The following ZBBX variants were observed in gnomAD, a reference collection of about 807,000 sequenced individuals.
ZBBX encodes the protein zinc finger B-box domain containing.
In ZBBX, 101 loss-of-function variants were observed where a neutral mutation model predicts 108.5. That is an observed-to-expected ratio of 0.93 (90% CI 0.79 to 1.10). The LOEUF (loss-of-function observed/expected upper bound fraction) is 1.10, where lower values mean the gene tolerates loss of function less well. ZBBX is among the 50% of genes least tolerant of loss of function. The pLI is 0.00. For synonymous variants in ZBBX, 356 were observed against 323.4 expected (o/e 1.10, Z -1.08); for missense variants, 1,009 against 941.4 (o/e 1.07, Z -0.94).
At position 167,328,136 on chromosome 3, in the gene ZBBX, G is replaced by T; in HGVS notation, c.688-20C>A. On this transcript the variant is annotated intron_variant, in intron 10 of 21. Coordinates refer to ENST00000675490, the MANE Select transcript of ZBBX (RefSeq NM_001199201.2). ...TTCTACCTAATTAAAAGGATACATA[G>T]GCATGCTTTATTAAATTTTCTGTAT... 1.3e-6 allele frequency: 2 copies of T among 1,572,982 alleles called. No individual in the cohort carries two copies. The highest frequency in any genetic ancestry group is 1.7e-6 in the Non-Finnish European group (2 of 1,164,804).
the ZBBX span, among the ~76,000 whole-genome samples, chr3:167,204,118 A>G: frequency 1.3e-5 from 2 of 152,090 alleles, no homozygotes; most frequent in South Asian, 4.1e-4. Flanking sequence ...AAAACTTCCA[A>G]TCATCCACAG....
downstream of ZBBX, among the ~76,000 whole-genome samples, chr3:167,234,863 C>T (rs1438729224): frequency 1.3e-5 from 2 of 151,712 alleles, no homozygotes; most frequent in Non-Finnish European, 3.0e-5. Context: ...CAATAAGATG[C>T]AAGAAGTGTT....
rs925176846 is a variant in ZBBX at position 167,365,224 on chromosome 3, G to A, written c.273+662C>T. 2.0e-5 allele frequency among the ~76,000 whole-genome samples: 3 copies of A among 151,724 alleles called. No homozygotes were observed. In the East Asian group the frequency reaches 5.8e-4, roughly 29 times the overall value. On this transcript the variant is annotated intron_variant, in intron 6 of 21. Coordinates refer to ENST00000675490, the MANE Select transcript of ZBBX (RefSeq NM_001199201.2). ...GTAGATTCCAACTGACCCAATGAAAGTTTAATGATAGGTACGTAAAAAATA... is the reference window on the plus strand; with the variant it reads ...GTAGATTCCAACTGACCCAATGAAAATTTAATGATAGGTACGTAAAAAATA...
chr3:167,255,946 C>A (rs1312657678), intron 20 of ZBBX, among the ~76,000 whole-genome samples: 1 of 152,042 alleles, frequency 6.6e-6, no homozygotes. Context: ...ACCACTCCAC[C>A]CACACTCCCC....
intron 1 of ZBBX, among the ~76,000 whole-genome samples, chr3:167,392,210 C>T (rs376874545): frequency 1.8e-4 from 27 of 151,882 alleles, no homozygotes; most frequent in Middle Eastern, 3.4e-3. Context: ...GTGATTTACC[C>T]ATGTTAATAT....
At chr3:167,217,631 TA>T in the ZBBX span, among the ~76,000 whole-genome samples, 1 of 152,124 alleles carries the variant, frequency 6.6e-6, no homozygotes. Flanking sequence ...CAGAGGAATA[TA>T]AAGCATTATA....
intron 20 of ZBBX, among the ~76,000 whole-genome samples, chr3:167,280,331 A>G (rs1277224396): frequency 6.6e-6 from 1 of 152,024 alleles, no homozygotes; most frequent in Non-Finnish European, 1.5e-5. Flanking sequence ...ATAAAATGGG[A>G]GAAAATTTTT....
At chr3:167,189,276 C>A in the ZBBX span, among the ~76,000 whole-genome samples, 1 of 152,264 alleles carries the variant, frequency 6.6e-6, no homozygotes, top group Non-Finnish European at 1.5e-5. Context: ...TCCCTGTTAT[C>A]TGAACAAAAT....
At chr3:167,243,450 G>A (rs1180687676) in intron 20 of ZBBX, among the ~76,000 whole-genome samples, 1 of 151,638 alleles carries the variant, frequency 6.6e-6, no homozygotes, top group East Asian at 1.9e-4. Flanking sequence ...CTGGGCTGGA[G>A]TGCAATGGTG....
chr3:167,323,329 G>A (rs1736809756), intron 11 of ZBBX, among the ~76,000 whole-genome samples: 2 of 151,826 alleles, frequency 1.3e-5, no homozygotes, highest in Admixed American at 6.6e-5. Context: ...AACACAGAAG[G>A]GTGATGGAAG....
At chr3:167,295,288 C>T (rs1042530720) in intron 18 of ZBBX, among the ~76,000 whole-genome samples, 21 of 152,158 alleles carry the variant, frequency 1.4e-4, no homozygotes, top group African/African-American at 5.1e-4. Flanking sequence ...TTGGAAGCAA[C>T]CCAAATGCCC....
At position 167,305,750 on chromosome 3, in the gene ZBBX, C is replaced by CT. The variant is rs2108229466; in HGVS notation, c.1617dup (p.Ala540SerfsTer4). On this transcript the variant is annotated frameshift_variant, in exon 17 of 22. Coordinates refer to ENST00000675490, the MANE Select transcript of ZBBX (RefSeq NM_001199201.2). LOFTEE classifies it high-confidence loss of function. ...TGAGATAATTTCTCCTCAATGGGAGCTTTTTCTAAATCTCTACCTAGCAAA... is the reference window on the plus strand; with the variant it reads ...TGAGATAATTTCTCCTCAATGGGAGCTTTTTTCTAAATCTCTACCTAGCAAA... 1.2e-6 allele frequency: 2 copies of CT among 1,612,502 alleles called. No homozygotes were observed. Among genetic ancestry groups the CT allele is most frequent in the Non-Finnish European group, 1.7e-6 (2 of 1,179,360 alleles).
chr3:167,209,149 A>G, the ZBBX span, among the ~76,000 whole-genome samples: 6 of 148,248 alleles, frequency 4.0e-5, no homozygotes, highest in Admixed American at 4.0e-4. Flanking sequence ...CCTTAGAAGA[A>G]TAGAGCACCA....
chr3:167,223,981 T>G, the ZBBX span, among the ~76,000 whole-genome samples: 1 of 151,940 alleles, frequency 6.6e-6, no homozygotes, highest in Non-Finnish European at 1.5e-5. Flanking sequence ...GAGATTTTAA[T>G]GCCTGAAGCA....
At chr3:167,338,447 C>T (rs1042155317) in intron 9 of ZBBX, among the ~76,000 whole-genome samples, 3 of 151,970 alleles carry the variant, frequency 2.0e-5, no homozygotes, top group Admixed American at 2.0e-4. Flanking sequence ...ATTCTAACTA[C>T]CATCATCATC....
In ZBBX at chr3:167,330,871, G is replaced by GAGAAGAAGAAGAAGA. The variant is rs1303832807; in HGVS notation, c.688-2770_688-2756dup. Reference sequence around the variant, plus strand: ...GGAGGAGGAGGAGGAGGAGGAGGAGGAGAAGAAGAAGAAGAAGAAGAAGAA... The same window carrying GAGAAGAAGAAGAAGA: ...GGAGGAGGAGGAGGAGGAGGAGGAGGAGAAGAAGAAGAAGAAGAAGAAGAAGAAGAAGAAGAAGAA... On this transcript the variant is annotated intron_variant, in intron 10 of 21. Transcript: ENST00000675490. 4.1e-4 allele frequency among the ~76,000 whole-genome samples: 18 copies of GAGAAGAAGAAGAAGA among 43,944 alleles called. 1 individual carries two copies. The highest frequency in any genetic ancestry group is 0.011 in the Middle Eastern group (1 of 92). 28.8% of individuals were successfully genotyped at this position (43,944 alleles called of 152,430 possible). A position where few individuals can be genotyped will look rare whatever the true frequency, so the allele number is the denominator to read the frequency against.
intron 2 of ZBBX, among the ~76,000 whole-genome samples, chr3:167,377,993 C>T (rs985041578): frequency 6.6e-6 from 1 of 152,140 alleles, no homozygotes; most frequent in African/African-American, 2.4e-5. Context: ...TTTATAAGGG[C>T]TATCCCCTTT....
chr3:167,255,055 A>G (rs919196597), intron 20 of ZBBX, among the ~76,000 whole-genome samples: 1 of 152,168 alleles, frequency 6.6e-6, no homozygotes, highest in African/African-American at 2.4e-5. Flanking sequence ...CCAATTTGCC[A>G]TCTAAATAGA....
intron 16 of ZBBX, among the ~76,000 whole-genome samples, chr3:167,309,979 C>CAT (rs1256245284): frequency 6.6e-6 from 1 of 152,170 alleles, no homozygotes; most frequent in African/African-American, 2.4e-5. Flanking sequence ...TTTGTGAATG[C>CAT]ATATGACTAT....
Sources: gnomAD v4.1 joint callset for allele counts (sites outside exome capture counted in the v4.1 genomes callset) on GRCh38, gnomAD v4.1.1 for gene constraint, MANE v1.5 for transcripts, NCBI Gene and HGNC (gene_info 2026-07-23, HGNC 2026-07-21) for gene names.